INPP5D: variants seen among roughly 807,000 people sequenced by gnomAD.
The protein encoded by INPP5D is phosphatidylinositol 3,4,5-trisphosphate 5-phosphatase 1.
INPP5D carries 33 observed loss-of-function variants against 122.9 expected under a neutral mutation model. The ratio of observed to expected loss-of-function variants is 0.27; its 90% confidence interval spans 0.20 to 0.36. INPP5D has a LOEUF of 0.36. INPP5D is among the 10% of genes least tolerant of loss of function. INPP5D has a pLI of 1.00. For missense variants in INPP5D, 1,053 were observed against 1,412.7 expected (o/e 0.75, Z 4.08); for synonymous variants, 584 against 576.2 (o/e 1.01, Z -0.19).
intron 2 of INPP5D, among the ~76,000 whole-genome samples, chr2:233,110,951 AACT>A (rs1000304528): frequency 7.9e-5 from 12 of 151,858 alleles, no homozygotes; most frequent in African/African-American, 2.9e-4. Flanking sequence ...AAAAAAAAAA[AACT>A]GTTGCTTCGA....
intron 2 of INPP5D, among the ~76,000 whole-genome samples, chr2:233,090,815 G>T (rs1691970540): frequency 6.6e-6 from 1 of 152,010 alleles, no homozygotes. Flanking sequence ...AAAATAGCCG[G>T]GTGTGATGGT....
intron 2 of INPP5D, among the ~76,000 whole-genome samples, chr2:233,099,265 T>A (rs1692237469): frequency 6.6e-6 from 1 of 152,170 alleles, no homozygotes; most frequent in South Asian, 2.1e-4. Context: ...CTTGGAACTT[T>A]AGATTGTTTT....
chr2:233,066,348 C>T (rs750701458), intron 1 of INPP5D, among the ~76,000 whole-genome samples: 46 of 152,322 alleles, frequency 3.0e-4, no homozygotes, highest in Non-Finnish European at 5.9e-4. Flanking sequence ...GGCATTTCTC[C>T]CCACCCCAGA....
chr2:233,147,407 C>CG (rs1224290877), intron 8 of INPP5D, 64 bp from the exon 9 acceptor site: 1 of 695,406 alleles, frequency 1.4e-6, no homozygotes, highest in East Asian at 2.7e-5. Flanking sequence ...GGGGTTCGGG[C>CG]GGGGGAAGCC....
In INPP5D at chr2:233,164,891, G is replaced by T. The variant is rs1261762358; in HGVS notation, c.1555+467G>T. Among the ~76,000 whole-genome samples, 1 of 146,692 alleles carries T rather than the reference G, an allele frequency of 6.8e-6. No homozygotes were observed. The highest frequency in any genetic ancestry group is 1.5e-5 in the Non-Finnish European group (1 of 65,970). ...AGCAGCCATAGGCAACCCAGAAAGC[G>T]AATGGGAGTGACTGTGTTACCAGTG... On this transcript the variant is annotated intron_variant, in intron 13 of 26. Coordinates refer to ENST00000445964, the MANE Select transcript of INPP5D (RefSeq NM_001017915.3). The surrounding 1 kb of genome is among the most constrained non-coding windows in gnomAD (Gnocchi z 4.3).
intron 9 of INPP5D, among the ~76,000 whole-genome samples, chr2:233,148,598 A>T (rs1693834559): frequency 6.6e-6 from 1 of 152,162 alleles, no homozygotes; most frequent in Non-Finnish European, 1.5e-5. Context: ...GCGGGGCCAC[A>T]TGGGGCTGGA....
At position 233,177,109 on chromosome 2, in the gene INPP5D, T is replaced by C. The variant is rs1694658982; in HGVS notation, c.1990-156T>C. On this transcript the variant is annotated intron_variant, in intron 17 of 26. Coordinates refer to ENST00000445964, the MANE Select transcript of INPP5D (RefSeq NM_001017915.3). The surrounding 1 kb of genome is among the most constrained non-coding windows in gnomAD (Gnocchi z 4.2). ...CAGTGGAGTCTGGACTTGAGCCATGTGAAAAAAGTTTAAAGCCACCTACAG... is the reference window on the plus strand; with the variant it reads ...CAGTGGAGTCTGGACTTGAGCCATGCGAAAAAAGTTTAAAGCCACCTACAG... 6.6e-6 allele frequency among the ~76,000 whole-genome samples: 1 copy of C among 152,078 alleles called. No homozygotes were observed. The highest frequency in any genetic ancestry group is 1.5e-5 in the Non-Finnish European group (1 of 68,010).
rs66533229 is a variant in INPP5D at position 233,065,580 on chromosome 2, C to CTTCTTTCTTTCTTTCTTTCT, written c.134+5023_134+5042dup. Among the ~76,000 whole-genome samples, 5 of 13,256 alleles carry CTTCTTTCTTTCTTTCTTTCT rather than the reference C, an allele frequency of 3.8e-4. 1 individual carries two copies. The highest frequency in any genetic ancestry group is 9.0e-3 in the South Asian group (2 of 222). The allele number at this position is 13,256 out of a possible 152,430, so 8.7% of individuals were successfully genotyped here. On this transcript the variant is annotated intron_variant, in intron 1 of 26. Transcript: ENST00000445964. Reference sequence around the variant, plus strand: ...CCCAGCCTTTTTCTTTCTTTCTTTCCTTCTTTCTTTCTTTCTTTCTTTCTT... The same window carrying CTTCTTTCTTTCTTTCTTTCT: ...CCCAGCCTTTTTCTTTCTTTCTTTCCTTCTTTCTTTCTTTCTTTCTTTCTTTCTTTCTTTCTTTCTTTCTT...
intron 2 of INPP5D, among the ~76,000 whole-genome samples, chr2:233,115,831 T>C (rs1318313641): frequency 6.6e-6 from 1 of 152,180 alleles, no homozygotes; most frequent in Non-Finnish European, 1.5e-5. Context: ...GCAAGGAGAC[T>C]TGGGGGACTA....
At chr2:233,193,553 C>T (rs73111459) in intron 22 of INPP5D, among the ~76,000 whole-genome samples, 276 of 152,308 alleles carry the variant, frequency 1.8e-3, no homozygotes, top group African/African-American at 6.4e-3. Flanking sequence ...TCATTCCCTA[C>T]AGCGATCAGA....
intron 1 of INPP5D, among the ~76,000 whole-genome samples, chr2:233,070,141 CT>C: frequency 6.6e-6 from 1 of 152,282 alleles, no homozygotes; most frequent in African/African-American, 2.4e-5. Context: ...GTTCAATTCT[CT>C]TTGCCATTTT....
intron 25 of INPP5D, among the ~76,000 whole-genome samples, chr2:233,201,445 A>G (rs888122930): frequency 2.0e-5 from 3 of 152,196 alleles, no homozygotes; most frequent in Non-Finnish European, 4.4e-5. Flanking sequence ...AGGGGCCCCC[A>G]GGGTACGCTT....
chr2:233,186,684 C>CTTTCTTTTTTTTTTTTT (rs1694925490), intron 21 of INPP5D, among the ~76,000 whole-genome samples: 1 of 44,556 alleles, frequency 2.2e-5, no homozygotes, highest in Non-Finnish European at 4.3e-5. Flanking sequence ...TTTTCTCTTT[C>CTTTCTTTTTTTTTTTTT]TTTTTTTTTT....
chr2:233,182,362 G>C (rs371197931), intron 18 of INPP5D, 48 bp from the exon 19 acceptor site: 1 of 1,609,476 alleles, frequency 6.2e-7, no homozygotes, highest in South Asian at 1.1e-5. Flanking sequence ...TGGCCTGACC[G>C]GAAGGGCTTC....
At chr2:233,130,749 C>T in intron 5 of INPP5D, 101 bp downstream of exon 5, 1 of 1,184,346 alleles carries the variant, frequency 8.4e-7, no homozygotes, top group Non-Finnish European at 1.2e-6. Context: ...GAACAAATGC[C>T]TCTGCCGCAC....
chr2:233,147,278 A>G (rs1693788466), intron 8 of INPP5D, among the ~76,000 whole-genome samples, 193 bp from the exon 9 acceptor site: 1 of 152,214 alleles, frequency 6.6e-6, no homozygotes, highest in Non-Finnish European at 1.5e-5. Flanking sequence ...GGATGCCCCT[A>G]GAGTCTCTGT....
At chr2:233,062,491 T>C (rs1691103763) in intron 1 of INPP5D, among the ~76,000 whole-genome samples, 1 of 152,206 alleles carries the variant, frequency 6.6e-6, no homozygotes, top group Non-Finnish European at 1.5e-5. Flanking sequence ...ACTGCTGGGA[T>C]CCAGGCCAGT....
At chr2:233,121,524 A>G (rs1692978701) in intron 2 of INPP5D, among the ~76,000 whole-genome samples, 1 of 150,884 alleles carries the variant, frequency 6.6e-6, no homozygotes, top group Non-Finnish European at 1.5e-5. Flanking sequence ...ATTTTATTTT[A>G]TTTTATTTTA....
intron 24 of INPP5D, among the ~76,000 whole-genome samples, chr2:233,196,876 AT>A (rs1695198962): frequency 6.6e-6 from 1 of 151,654 alleles, no homozygotes; most frequent in Non-Finnish European, 1.5e-5. Flanking sequence ...AGGAATTCTC[AT>A]CTCTAGCACA....
Sources: allele counts gnomAD v4.1 joint callset (sites outside exome capture counted in the v4.1 genomes callset), GRCh38; gene constraint gnomAD v4.1.1; non-coding constraint Gnocchi (gnomAD v3.1); transcripts MANE v1.5; gene names NCBI Gene and HGNC (gene_info 2026-07-23, HGNC 2026-07-21).